The following HIBCH variants were observed in gnomAD, a reference collection of about 807,000 sequenced individuals.
The protein encoded by HIBCH is 3-hydroxyisobutyryl-CoA hydrolase.
Under a neutral mutation model 58.2 loss-of-function variants are expected in HIBCH, and 50 were observed. The ratio of observed to expected loss-of-function variants is 0.86; its 90% CI spans 0.68 to 1.09. The LOEUF (loss-of-function observed/expected upper bound fraction) is 1.09, where lower values mean the gene tolerates loss of function less well. HIBCH is among the 50% of genes least tolerant of loss of function. HIBCH has a pLI of 0.00. For missense variants in HIBCH, 450 were observed against 449.7 expected, an observed-to-expected ratio of 1.00 and a Z score of -0.01; for synonymous variants, 151 against 146.9, an observed-to-expected ratio of 1.03 and a Z score of -0.20.
intron 1 of HIBCH, among the ~76,000 whole-genome samples, chr2:190,319,499 G>C (rs1215297462): frequency 6.6e-6 from 1 of 151,042 alleles, no homozygotes; most frequent in African/African-American, 2.4e-5. Context: ...CAGAGTGGCA[G>C]AAAACCAGAG....
intron 6 of HIBCH, among the ~76,000 whole-genome samples, chr2:190,261,458 T>C (rs1419509032): frequency 6.6e-6 from 1 of 152,164 alleles, no homozygotes; most frequent in Admixed American, 6.6e-5. Flanking sequence ...ACATAAAGTC[T>C]GATCACACCC....
rs73057816 is a variant in HIBCH, at chr2:190,260,782, T to C, written c.517+374A>G. Among the ~76,000 whole-genome samples the C allele has an allele frequency of 9.9e-3, 1,510 of 152,244 alleles. 31 individuals carry two copies. The highest frequency in any genetic ancestry group is 0.035 in the African/African-American group (1,433 of 41,530). On this transcript the variant is annotated intron_variant, in intron 7 of 13. Coordinates refer to ENST00000359678, the MANE Select transcript of HIBCH (RefSeq NM_014362.4). ...TATACAAAATAAACTTTGACTTATA[T>C]AGGTGATCCACACCCCTCACCATAT...
At position 190,246,215 on chromosome 2, in the gene HIBCH, GT is replaced by G; in HGVS notation, c.751-4del. On this transcript the variant is annotated splice_polypyrimidine_tract_variant and splice_region_variant and intron_variant, in intron 9 of 13. Coordinates refer to ENST00000359678, the MANE Select transcript of HIBCH (RefSeq NM_014362.4). ...GACTTGTCTCGATCAATCTTAGACT[GT>G]TTGAAAAGAAAAATCTTTTAATAAA... 1 of 1,557,920 alleles carries G rather than the reference GT, an allele frequency of 6.4e-7. No individual in the cohort carries two copies.
At chr2:190,212,322 G>A (rs1412459989) in intron 12 of HIBCH, among the ~76,000 whole-genome samples, 1 of 152,068 alleles carries the variant, frequency 6.6e-6, no homozygotes, top group Non-Finnish European at 1.5e-5. Flanking sequence ...TGGCTATTAA[G>A]CCAAATAGTC....
rs775951897 is a variant in HIBCH, at chr2:190,304,558, C to A, written c.78+6196G>T. On this transcript the variant is annotated intron_variant, in intron 2 of 13. Transcript: ENST00000359678. The surrounding 1 kb of genome is among the most constrained non-coding windows in gnomAD (Gnocchi z 4.1). Reference sequence around the variant, plus strand: ...GGCCTTACCTTTCAATACATCCACACTGGGGGTTAAATTTCGAAATGAGTT... The same window carrying A: ...GGCCTTACCTTTCAATACATCCACAATGGGGGTTAAATTTCGAAATGAGTT... Among the ~76,000 whole-genome samples, 3 of 152,172 alleles carry A rather than the reference C, an allele frequency of 2.0e-5. No individual in the cohort carries two copies. Among genetic ancestry groups the A allele is most frequent in the Non-Finnish European group, 4.4e-5 (3 of 68,026 alleles).
chr2:190,213,188 G>T, intron 11 of HIBCH, 113 bp from the exon 12 acceptor site: 2 of 918,240 alleles, frequency 2.2e-6, no homozygotes, highest in Non-Finnish European at 3.5e-6. Flanking sequence ...TCTCATAAAA[G>T]ATTATACCCT....
chr2:190,266,873 C>T (rs1372444855), intron 6 of HIBCH, among the ~76,000 whole-genome samples: 1 of 152,156 alleles, frequency 6.6e-6, no homozygotes, highest in Non-Finnish European at 1.5e-5. Flanking sequence ...TTTCCTGCCT[C>T]AGCCTCCCGA....
chr2:190,228,346 A>C (rs1259736224), intron 11 of HIBCH, among the ~76,000 whole-genome samples: 7 of 149,192 alleles, frequency 4.7e-5, no homozygotes, highest in Non-Finnish European at 1.0e-4. Flanking sequence ...GTGGGAATTG[A>C]ACAATGAGAA....
chr2:190,318,814 TA>T (rs1179264338), intron 1 of HIBCH, among the ~76,000 whole-genome samples: 3 of 152,200 alleles, frequency 2.0e-5, no homozygotes, highest in East Asian at 1.9e-4. Context: ...TTTAAGGTAT[TA>T]AAAAAACAAA....
In HIBCH at chr2:190,215,161, C is replaced by A. The variant is rs184387730; in HGVS notation, c.892-2086G>T. On this transcript the variant is annotated intron_variant, in intron 11 of 13. Coordinates refer to ENST00000359678, the MANE Select transcript of HIBCH (RefSeq NM_014362.4). This position sits in a 1 kb window ranked among gnomAD's most constrained non-coding sequence, Gnocchi z 4.4. ...AGCAGCTAGATCAATTTTTAGGACCCAATTTTTATACTTAGGCTGAGATGA... is the reference window on the plus strand; with the variant it reads ...AGCAGCTAGATCAATTTTTAGGACCAAATTTTTATACTTAGGCTGAGATGA... The A allele has an allele frequency of 6.6e-6, 1 of 151,996 alleles. No individual in the cohort carries two copies. Among genetic ancestry groups the A allele is most frequent in the African/African-American group, 2.4e-5 (1 of 41,374 alleles). The allele number at this position is 151,996 out of a possible 1,614,324, so 9.4% of individuals were successfully genotyped here. A position where few individuals can be genotyped will look rare whatever the true frequency, so the allele number is the denominator to read the frequency against.
chr2:190,285,054 G>A (rs1043059605), intron 6 of HIBCH, among the ~76,000 whole-genome samples: 16 of 151,964 alleles, frequency 1.1e-4, no homozygotes, highest in African/African-American at 3.9e-4. Context: ...AATGCTTTGT[G>A]AGAGTTTCTC....
intron 1 of HIBCH, among the ~76,000 whole-genome samples, chr2:190,191,791 A>G (rs927033595): frequency 9.9e-5 from 15 of 152,150 alleles, no homozygotes; most frequent in Non-Finnish European, 1.8e-4. Context: ...AAATCTTTCA[A>G]ATCTCGTTTT....
At chr2:190,258,141 C>A (rs1686981524) in intron 7 of HIBCH, among the ~76,000 whole-genome samples, 1 of 152,028 alleles carries the variant, frequency 6.6e-6, no homozygotes, top group Non-Finnish European at 1.5e-5. Flanking sequence ...TGAGTGAGTT[C>A]TCATGATATC....
rs761787425 is a variant in HIBCH at position 190,252,254 on chromosome 2, G to GT, written c.570dup (p.Leu191ThrfsTer30). ...CCTGTTAATGCAAGGAAGTAACCAA[G>GT]TTTTCCTTGGAGTCGTGGCAAGAAA... On this transcript the variant is annotated frameshift_variant, in exon 8 of 14. Coordinates refer to ENST00000359678, the MANE Select transcript of HIBCH (RefSeq NM_014362.4). LOFTEE classifies it high-confidence loss of function. 6.2e-7 allele frequency: 1 copy of GT among 1,612,954 alleles called. No homozygotes were observed. Among genetic ancestry groups the GT allele is most frequent in the Non-Finnish European group, 8.5e-7 (1 of 1,178,962 alleles).
intron 6 of HIBCH, among the ~76,000 whole-genome samples, chr2:190,286,678 C>T (rs530097931): frequency 6.6e-6 from 1 of 152,228 alleles, no homozygotes; most frequent in South Asian, 2.1e-4. Flanking sequence ...TTCTCTAACT[C>T]CAGGTCAAGT....
At chr2:190,235,430 G>A (rs754841269) in intron 11 of HIBCH, among the ~76,000 whole-genome samples, 15 of 152,140 alleles carry the variant, frequency 9.9e-5, no homozygotes, top group Admixed American at 8.5e-4. Flanking sequence ...AGTTAATCAC[G>A]ACCCTCAATC....
intron 13 of HIBCH, chr2:190,208,647 A>G (rs1690449274): frequency 1.8e-6 from 1 of 571,344 alleles, no homozygotes; most frequent in Non-Finnish European, 3.1e-6. Flanking sequence ...AATGCTTGGG[A>G]TCAGAAGTGT....
intron 11 of HIBCH, among the ~76,000 whole-genome samples, chr2:190,229,374 T>C (rs1686021037): frequency 6.6e-6 from 1 of 152,226 alleles, no homozygotes; most frequent in South Asian, 2.1e-4. Context: ...CTTAAAGGTG[T>C]AGGAAGAATA....
intron 11 of HIBCH, among the ~76,000 whole-genome samples, chr2:190,244,647 A>C (rs934336104): frequency 1.1e-4 from 16 of 152,204 alleles, no homozygotes; most frequent in Admixed American, 8.5e-4. Context: ...CCTCTGTTAC[A>C]TTCAAAGGAC....
Sources: gnomAD v4.1 joint callset for allele counts (sites outside exome capture counted in the v4.1 genomes callset) on GRCh38, gnomAD v4.1.1 for gene constraint, Gnocchi (gnomAD v3.1) non-coding constraint, MANE v1.5 for transcripts, NCBI Gene and HGNC (gene_info 2026-07-23, HGNC 2026-07-21) for gene names.